The following TACR1 variants were observed in gnomAD, a reference collection of about 807,000 sequenced individuals.
TACR1 encodes the protein substance-P receptor.
A neutral mutation model predicts 35.8 loss-of-function variants in TACR1; 25 were observed. That is an observed-to-expected ratio of 0.70 (90% CI 0.51 to 0.98). TACR1 has a LOEUF of 0.98. TACR1 is among the 50% of genes least tolerant of loss of function. The pLI is 0.00. For synonymous variants in TACR1, 195 were observed against 206.7 expected (o/e 0.94, Z 0.48); for missense variants, 478 against 522.9 (o/e 0.91, Z 0.84).
At chr2:75,193,101 C>A (rs967524972) in intron 1 of TACR1, among the ~76,000 whole-genome samples, 2 of 152,046 alleles carry the variant, frequency 1.3e-5, no homozygotes, top group African/African-American at 4.8e-5. Context: ...TACTGCCCTC[C>A]CTCTCCTTCT....
At chr2:75,067,892 G>A (rs72807348) in intron 2 of TACR1, among the ~76,000 whole-genome samples, 3,151 of 152,278 alleles carry the variant, frequency 0.021, 110 homozygotes, top group African/African-American at 0.072. Context: ...CAGGAGCTGG[G>A]CCTGCAAAGT....
At position 75,134,075 on chromosome 2, in the gene TACR1, A is replaced by G. The variant is rs868046449; in HGVS notation, c.390-13307T>C. Among the ~76,000 whole-genome samples the G allele has an allele frequency of 2.6e-5, 4 of 152,326 alleles. No individual in the cohort carries two copies. The South Asian group carries it at 8.3e-4, about 32-fold the overall frequency. On this transcript the variant is annotated intron_variant, in intron 1 of 4. Transcript: ENST00000305249. ...GGAAGTTACCCTGCACGGTCTAAAA[A>G]GGGGAGGCATGAATAATCCACCCCT...
At chr2:75,100,410 C>T in intron 2 of TACR1, among the ~76,000 whole-genome samples, 1 of 152,104 alleles carries the variant, frequency 6.6e-6, no homozygotes, top group East Asian at 1.9e-4. Flanking sequence ...ATGTGGTTGT[C>T]TCGATTTGGA....
At chr2:75,195,407 C>CTG (rs57066941) in intron 1 of TACR1, among the ~76,000 whole-genome samples, 1 of 143,936 alleles carries the variant, frequency 6.9e-6, no homozygotes, top group African/African-American at 2.8e-5. Context: ...TCCTTTCCCC[C>CTG]CATCCCTTTT....
At chr2:75,185,001 T>G (rs1675655270) in intron 1 of TACR1, among the ~76,000 whole-genome samples, 1 of 151,918 alleles carries the variant, frequency 6.6e-6, no homozygotes, top group Non-Finnish European at 1.5e-5. Flanking sequence ...TAAGGGTGTT[T>G]TAGATTATGA....
At position 75,188,579 on chromosome 2, in the gene TACR1, A is replaced by G. The variant is rs1176469423; in HGVS notation, c.389+9967T>C. On this transcript the variant is annotated intron_variant, in intron 1 of 4. Coordinates refer to ENST00000305249, the MANE Select transcript of TACR1 (RefSeq NM_001058.4). ...AGAGTATCATTACAGATTATTTTTT[A>G]TTATCTGAAATAATGGCAATAAAGT... 3 of 152,212 alleles carry G rather than the reference A, an allele frequency of 2.0e-5. No individual in the cohort carries two copies. The South Asian group carries it at 6.2e-4, about 32-fold the overall frequency. The allele number at this position is 152,212 out of a possible 1,614,324, so 9.4% of individuals were successfully genotyped here. A position where few individuals can be genotyped will look rare whatever the true frequency, so the allele number is the denominator to read the frequency against.
At chr2:75,170,772 T>G (rs1461605910) in intron 1 of TACR1, among the ~76,000 whole-genome samples, 1 of 152,158 alleles carries the variant, frequency 6.6e-6, no homozygotes, top group African/African-American at 2.4e-5. Context: ...GCCCTTGCCC[T>G]AGAGATTTGT....
chr2:75,157,801 G>C (rs901609455), intron 1 of TACR1, among the ~76,000 whole-genome samples: 13 of 152,244 alleles, frequency 8.5e-5, no homozygotes, highest in African/African-American at 3.1e-4. Context: ...GCCATTATCA[G>C]GAAGATGTGG....
intron 2 of TACR1, among the ~76,000 whole-genome samples, chr2:75,111,169 G>A (rs556861686): frequency 6.6e-6 from 1 of 151,906 alleles, no homozygotes; most frequent in Non-Finnish European, 1.5e-5. Flanking sequence ...CTGATATATA[G>A]AATTTAACAA....
chr2:75,093,628 G>C (rs908882186), intron 2 of TACR1, among the ~76,000 whole-genome samples: 3 of 152,118 alleles, frequency 2.0e-5, no homozygotes, highest in African/African-American at 7.2e-5. Flanking sequence ...ATTTGGTTGG[G>C]TGCTGTTTTA....
intron 2 of TACR1, among the ~76,000 whole-genome samples, chr2:75,067,648 C>T (rs1237482369): frequency 6.6e-6 from 1 of 152,210 alleles, no homozygotes; most frequent in African/African-American, 2.4e-5. Flanking sequence ...ACAAAGGACT[C>T]TGTTAAGGTA....
intron 2 of TACR1, among the ~76,000 whole-genome samples, chr2:75,113,306 A>G (rs1192186717): frequency 6.6e-6 from 1 of 152,114 alleles, no homozygotes; most frequent in Non-Finnish European, 1.5e-5. Flanking sequence ...ACCCCAAAGG[A>G]GTCCTAAATT....
intron 1 of TACR1, chr2:75,154,274 A>G (rs1423315237): frequency 6.6e-6 from 1 of 152,146 alleles, no homozygotes; most frequent in Non-Finnish European, 1.5e-5. Context: ...GCTCCCCTAC[A>G]GAGCTCATGG....
At chr2:75,134,109 A>G (rs1184857477) in intron 1 of TACR1, among the ~76,000 whole-genome samples, 2 of 152,234 alleles carry the variant, frequency 1.3e-5, no homozygotes, top group African/African-American at 4.8e-5. Context: ...CTTATTTAGC[A>G]TGTAACTAAG....
intron 2 of TACR1, among the ~76,000 whole-genome samples, chr2:75,091,245 T>C (rs1366011522): frequency 2.1e-5 from 3 of 141,870 alleles, no homozygotes; most frequent in African/African-American, 7.8e-5. Flanking sequence ...GAATTTCCGC[T>C]CCTAACTCTA....
intron 1 of TACR1, among the ~76,000 whole-genome samples, chr2:75,137,922 A>G (rs1249003519): frequency 6.6e-6 from 1 of 152,128 alleles, no homozygotes; most frequent in Non-Finnish European, 1.5e-5. Flanking sequence ...GGCATAAGAC[A>G]TTCCAGAGTA....
At chr2:75,150,521 C>T (rs1485540256) in intron 1 of TACR1, among the ~76,000 whole-genome samples, 3 of 152,172 alleles carry the variant, frequency 2.0e-5, no homozygotes, top group Non-Finnish European at 4.4e-5. Flanking sequence ...TTTTCTTTTG[C>T]TGCCACCATA....
chr2:75,141,493 C>T (rs1674403472), intron 1 of TACR1, among the ~76,000 whole-genome samples: 2 of 151,186 alleles, frequency 1.3e-5, no homozygotes, highest in South Asian at 4.2e-4. Flanking sequence ...ACAGCTCTGT[C>T]TGGTTGGCTT....
At chr2:75,062,033 G>A (rs1409431610) in intron 2 of TACR1, among the ~76,000 whole-genome samples, 2 of 152,132 alleles carry the variant, frequency 1.3e-5, no homozygotes, top group East Asian at 1.9e-4. Flanking sequence ...CAGCACCAAG[G>A]AAATACTTCA....
Sources: gnomAD v4.1 joint callset for allele counts (sites outside exome capture counted in the v4.1 genomes callset) on GRCh38, gnomAD v4.1.1 for gene constraint, MANE v1.5 for transcripts, NCBI Gene and HGNC (gene_info 2026-07-23, HGNC 2026-07-21) for gene names.